Variants in AKT3 observed in about 807,000 individuals in gnomAD.
The protein encoded by AKT3 is RAC-gamma serine/threonine-protein kinase.
In AKT3, 15 loss-of-function variants were observed where a neutral mutation model predicts 65.3. The ratio of observed to expected loss-of-function variants is 0.23; its 90% CI spans 0.15 to 0.35. AKT3 has a LOEUF of 0.35. Ranked by LOEUF, AKT3 falls within the 10% of genes least tolerant of loss-of-function variation. AKT3 has a pLI of 1.00. For synonymous variants in AKT3, 206 were observed against 183.8 expected (o/e 1.12, Z -0.98); for missense variants, 243 against 576.5 (o/e 0.42, Z 5.92).
chr1:243,567,290 A>G (rs1011590755), intron 9 of AKT3, among the ~76,000 whole-genome samples: 5 of 152,020 alleles, frequency 3.3e-5, no homozygotes, highest in African/African-American at 1.2e-4. Flanking sequence ...GTCTCAAAAA[A>G]ACAAAACACA....
At chr1:243,534,337 C>T (rs948001105) in intron 12 of AKT3, among the ~76,000 whole-genome samples, 1 of 152,148 alleles carries the variant, frequency 6.6e-6, no homozygotes, top group Non-Finnish European at 1.5e-5. Context: ...ACATAACAGT[C>T]CTTAATGTGT....
chr1:243,837,480 A>G (rs1558860082), intron 2 of AKT3, among the ~76,000 whole-genome samples: 1 of 152,324 alleles, frequency 6.6e-6, no homozygotes, highest in East Asian at 1.9e-4. Flanking sequence ...CAAAACTGAA[A>G]AGAAATTTAC....
At chr1:243,713,746 T>TA (rs572960154) in intron 2 of AKT3, among the ~76,000 whole-genome samples, 36,593 of 82,828 alleles carry the variant, frequency 0.44, 10,058 homozygotes, top group Non-Finnish European at 0.54. Flanking sequence ...TTTGCCTTAA[T>TA]AAAAAAAAAA....
At position 243,645,992 on chromosome 1, in the gene AKT3, C is replaced by T; in HGVS notation, c.330G>A (p.Gln110=). The T allele has an allele frequency of 6.2e-7, 1 of 1,613,248 alleles. No individual in the cohort carries two copies. The highest frequency in any genetic ancestry group is 8.5e-7 in the Non-Finnish European group (1 of 1,179,472). The change falls in exon 5 of 14, where the codon CAG becomes CAA. Residue 110 remains glutamine, a synonymous_variant. Coordinates refer to ENST00000673466, the MANE Select transcript of AKT3 (RefSeq NM_005465.7). ...EAIQAVADRL[Q]RQEEERMNCS... is the part of the protein sequence containing the mutation. ...AATTCATTCTCTCCTCTTCTTGCCT[C>T]TGCAGTCTGTCTGCTACAGCCTGGA... is the stretch of plus-strand genomic sequence containing the variant.
At chr1:243,646,702 G>C (rs1680845490) in intron 4 of AKT3, among the ~76,000 whole-genome samples, 1 of 152,012 alleles carries the variant, frequency 6.6e-6, no homozygotes, top group Non-Finnish European at 1.5e-5. Context: ...GCAGTTTTTA[G>C]AAGTGTTTTG....
intron 1 of AKT3, among the ~76,000 whole-genome samples, chr1:243,846,970 CA>C (rs1241122279): frequency 6.6e-6 from 1 of 152,160 alleles, no homozygotes; most frequent in Non-Finnish European, 1.5e-5. Context: ...GCTTACCAGG[CA>C]TTGGTTAGCA....
chr1:243,670,186 A>G (rs568143071), intron 3 of AKT3, among the ~76,000 whole-genome samples: 14 of 152,326 alleles, frequency 9.2e-5, no homozygotes, highest in South Asian at 6.2e-4. Context: ...AAATAAACCT[A>G]TATTTTTTAG....
chr1:243,653,639 A>G (rs1346493797), intron 4 of AKT3, among the ~76,000 whole-genome samples: 2 of 152,154 alleles, frequency 1.3e-5, no homozygotes, highest in South Asian at 2.1e-4. Flanking sequence ...ATGTTATTCT[A>G]TGCCTTAGCT....
At chr1:243,596,956 T>A (rs1280736298) in intron 8 of AKT3, among the ~76,000 whole-genome samples, 2 of 152,232 alleles carry the variant, frequency 1.3e-5, no homozygotes, top group Non-Finnish European at 2.9e-5. Flanking sequence ...GTATATATTG[T>A]ATGAGTTCAT....
chr1:243,781,533 T>C (rs1265678751), intron 2 of AKT3, among the ~76,000 whole-genome samples: 2 of 152,314 alleles, frequency 1.3e-5, no homozygotes, highest in East Asian at 3.9e-4. Flanking sequence ...TATAAGAATA[T>C]TAACCCTATT....
intron 2 of AKT3, among the ~76,000 whole-genome samples, chr1:243,762,824 A>G (rs1326796547): frequency 2.0e-5 from 3 of 152,090 alleles, no homozygotes; most frequent in Non-Finnish European, 4.4e-5. Context: ...GTGAATTTTA[A>G]TGTTGGCTTA....
chr1:243,589,679 T>C (rs1183349776), intron 8 of AKT3, among the ~76,000 whole-genome samples: 1 of 152,194 alleles, frequency 6.6e-6, no homozygotes, highest in Non-Finnish European at 1.5e-5. Flanking sequence ...ATCTCACTTC[T>C]AGGTATATAT....
At chr1:243,686,224 T>C (rs1041078731) in intron 3 of AKT3, among the ~76,000 whole-genome samples, 8 of 152,108 alleles carry the variant, frequency 5.3e-5, no homozygotes, top group Admixed American at 1.3e-4. Context: ...CAAGCTACCA[T>C]TGACTTTCTT....
At chr1:243,553,801 T>G (rs534064750) in intron 10 of AKT3, among the ~76,000 whole-genome samples, 2 of 152,206 alleles carry the variant, frequency 1.3e-5, no homozygotes, top group Non-Finnish European at 2.9e-5. Flanking sequence ...TTTGGTTTTA[T>G]CTTTTTATCA....
At chr1:243,535,788 G>A (rs1441730409) in intron 12 of AKT3, among the ~76,000 whole-genome samples, 1 of 152,152 alleles carries the variant, frequency 6.6e-6, no homozygotes, top group Non-Finnish European at 1.5e-5. Context: ...AGTTCTTTGA[G>A]AAATCTCCAT....
At position 243,502,981 on chromosome 1, in the gene AKT3, C is replaced by T. The variant is rs1558570727; in HGVS notation, c.*2268G>A. 2 of 233,242 alleles carry T rather than the reference C, an allele frequency of 8.6e-6. No individual in the cohort carries two copies. Among genetic ancestry groups the T allele is most frequent in the East Asian group, 1.2e-4 (2 of 16,606 alleles). 14.4% of individuals were successfully genotyped at this position (233,242 alleles called of 1,614,324 possible). ...AAGTGCTCTGAACATCAGCCAGTCTCAGCTTTCTGCTCTTCCTCTCACCTG... is the reference window on the plus strand; with the variant it reads ...AAGTGCTCTGAACATCAGCCAGTCTTAGCTTTCTGCTCTTCCTCTCACCTG... On this transcript the variant is annotated 3_prime_UTR_variant, in exon 14 of 14. Transcript: ENST00000673466.
At chr1:243,651,962 A>T (rs924759864) in intron 4 of AKT3, among the ~76,000 whole-genome samples, 8 of 152,146 alleles carry the variant, frequency 5.3e-5, no homozygotes, top group African/African-American at 7.2e-5. Flanking sequence ...GAAGCTCATC[A>T]GACTAACAGC....
At chr1:243,728,366 G>A (rs1356467980) in intron 2 of AKT3, among the ~76,000 whole-genome samples, 2 of 152,174 alleles carry the variant, frequency 1.3e-5, no homozygotes, top group Non-Finnish European at 2.9e-5. Flanking sequence ...TAACCAGGTG[G>A]TGTACTCCCT....
intron 2 of AKT3, among the ~76,000 whole-genome samples, chr1:243,806,306 G>T (rs527301608): frequency 6.6e-6 from 1 of 151,716 alleles, no homozygotes; most frequent in South Asian, 2.1e-4. Context: ...TATTCTTTTT[G>T]TTTCTTTAGT....
Sources: allele counts gnomAD v4.1 joint callset (sites outside exome capture counted in the v4.1 genomes callset), GRCh38; gene constraint gnomAD v4.1.1; transcripts MANE v1.5; gene names NCBI Gene and HGNC (gene_info 2026-07-23, HGNC 2026-07-21).